Variants in SH3BGRL2 observed in about 807,000 individuals in gnomAD.
SH3BGRL2 encodes SH3 domain-binding glutamic acid-rich-like protein 2.
A neutral mutation model predicts 14.8 loss-of-function variants in SH3BGRL2; 21 were observed. The ratio of observed to expected loss-of-function variants is 1.42; its 90% CI spans 1.01 to 2.05. The LOEUF (loss-of-function observed/expected upper bound fraction) is 2.05. Ranked by LOEUF, SH3BGRL2 falls within the 30% of genes most tolerant of loss-of-function variation. The probability of loss-of-function intolerance (pLI) is 0.00; values close to 1 mark genes in which losing one functional copy is unlikely to be tolerated. For synonymous variants in SH3BGRL2, 50 were observed against 47.8 expected (o/e 1.05, Z -0.19); for missense variants, 147 against 130.8 (o/e 1.12, Z -0.61).
chr6:79,660,947 C>G (rs1314307823), intron 1 of SH3BGRL2, among the ~76,000 whole-genome samples: 1 of 152,196 alleles, frequency 6.6e-6, no homozygotes, highest in Non-Finnish European at 1.5e-5. Flanking sequence ...ATAGTATTCT[C>G]TGATGGTAGT....
At chr6:79,608,779 A>T in the SH3BGRL2 span, among the ~76,000 whole-genome samples, 1 of 152,206 alleles carries the variant, frequency 6.6e-6, no homozygotes. Flanking sequence ...CTGAAACTAC[A>T]CATGTCCCAC....
the SH3BGRL2 span, among the ~76,000 whole-genome samples, chr6:79,615,591 A>T: frequency 6.6e-6 from 1 of 152,120 alleles, no homozygotes; most frequent in Non-Finnish European, 1.5e-5. Flanking sequence ...TGCTATAATG[A>T]TTAATTTCAT....
chr6:79,569,038 C>T, the SH3BGRL2 span, among the ~76,000 whole-genome samples: 1 of 152,076 alleles, frequency 6.6e-6, no homozygotes. Flanking sequence ...CAAGGTGGTC[C>T]AGCTACAGCT....
intron 1 of SH3BGRL2, among the ~76,000 whole-genome samples, chr6:79,649,865 G>A (rs1302921750): frequency 1.3e-5 from 2 of 152,010 alleles, no homozygotes; most frequent in Non-Finnish European, 2.9e-5. Flanking sequence ...CTAGTTCCTC[G>A]GGAAGTGTCT....
At chr6:79,642,089 A>G (rs892008989) in intron 1 of SH3BGRL2, among the ~76,000 whole-genome samples, 3 of 152,170 alleles carry the variant, frequency 2.0e-5, no homozygotes, top group Admixed American at 1.3e-4. Context: ...TCTTTGCTAT[A>G]CATAATACAG....
chr6:79,596,026 AAC>A, the SH3BGRL2 span, among the ~76,000 whole-genome samples: 1 of 152,254 alleles, frequency 6.6e-6, no homozygotes, highest in Non-Finnish European at 1.5e-5. Context: ...TATAGATAGT[AAC>A]AATAAACAAA....
At chr6:79,656,713 G>C (rs1025485665) in intron 1 of SH3BGRL2, among the ~76,000 whole-genome samples, 2 of 152,178 alleles carry the variant, frequency 1.3e-5, no homozygotes, top group Non-Finnish European at 2.9e-5. Flanking sequence ...ACCTAGAGGT[G>C]ATTTAGAGTA....
intron 1 of SH3BGRL2, among the ~76,000 whole-genome samples, chr6:79,660,730 G>A (rs1319897074): frequency 6.6e-6 from 1 of 152,138 alleles, no homozygotes; most frequent in Non-Finnish European, 1.5e-5. Flanking sequence ...GCTCCTCTTT[G>A]TACCTCTGGT....
the SH3BGRL2 span, among the ~76,000 whole-genome samples, chr6:79,607,689 A>C: frequency 2.0e-5 from 3 of 152,188 alleles, no homozygotes; most frequent in Admixed American, 6.5e-5. Context: ...TCACGCCTGT[A>C]ATCCCAGAAC....
the SH3BGRL2 span, among the ~76,000 whole-genome samples, chr6:79,597,009 C>T: frequency 1.3e-5 from 2 of 152,134 alleles, no homozygotes; most frequent in Admixed American, 6.6e-5. Context: ...GCGGGTGGAT[C>T]CAGTGAGGTC....
chr6:79,591,589 G>A, the SH3BGRL2 span, among the ~76,000 whole-genome samples: 6 of 151,970 alleles, frequency 3.9e-5, no homozygotes, highest in African/African-American at 4.8e-5. Flanking sequence ...TTGTATTTTC[G>A]TAGAGACGGG....
chr6:79,590,448 T>TATAA, the SH3BGRL2 span, among the ~76,000 whole-genome samples: 1 of 135,174 alleles, frequency 7.4e-6, no homozygotes, highest in Non-Finnish European at 1.6e-5. Context: ...TATATATATA[T>TATAA]ATATATATAT....
At chr6:79,549,518 A>G in the SH3BGRL2 span, among the ~76,000 whole-genome samples, 1 of 152,236 alleles carries the variant, frequency 6.6e-6, no homozygotes, top group Admixed American at 6.5e-5. Flanking sequence ...ATGTTTAGAT[A>G]CACAAATGCT....
intron 2 of SH3BGRL2, among the ~76,000 whole-genome samples, chr6:79,690,952 T>C (rs1770201716): frequency 6.6e-6 from 1 of 152,174 alleles, no homozygotes; most frequent in Non-Finnish European, 1.5e-5. Flanking sequence ...TACAATAATT[T>C]CTCTCATGAA....
rs542703606 is a variant in SH3BGRL2 at position 79,657,160 on chromosome 6, C to CT, written c.46-16443dup. ...AGAGTAGGACCAGGAGACTATGGAA[C>CT]TTTTTTTTTTTAAATCAAGAGCCAA... On this transcript the variant is annotated intron_variant, in intron 1 of 3. Coordinates refer to ENST00000369838, the MANE Select transcript of SH3BGRL2 (RefSeq NM_031469.4). 3.4e-3 allele frequency among the ~76,000 whole-genome samples: 502 copies of CT among 147,454 alleles called. 1 individual carries two copies. The highest frequency in any genetic ancestry group is 5.9e-3 in the Non-Finnish European group (390 of 66,512).
At chr6:79,675,380 T>C (rs1370355470) in intron 2 of SH3BGRL2, among the ~76,000 whole-genome samples, 1 of 152,202 alleles carries the variant, frequency 6.6e-6, no homozygotes, top group Non-Finnish European at 1.5e-5. Flanking sequence ...GTTTACTCTA[T>C]GAAAAATTTT....
intron 1 of SH3BGRL2, among the ~76,000 whole-genome samples, chr6:79,635,210 T>G (rs1183206471): frequency 6.6e-6 from 1 of 152,170 alleles, no homozygotes; most frequent in African/African-American, 2.4e-5. Flanking sequence ...AAATAAAATC[T>G]TTTACTCCTC....
the SH3BGRL2 span, among the ~76,000 whole-genome samples, chr6:79,607,464 C>G: frequency 1.3e-5 from 2 of 152,138 alleles, no homozygotes; most frequent in Admixed American, 6.5e-5. Flanking sequence ...TTCTTTTAAC[C>G]TACAGTCCTA....
chr6:79,673,862 G>A (rs1052339774), intron 2 of SH3BGRL2, 63 bp downstream of exon 2: 1 of 1,525,610 alleles, frequency 6.6e-7, no homozygotes, highest in African/African-American at 1.4e-5. Flanking sequence ...GCCACCTAGA[G>A]TGCAGGTGGG....
Sources: allele counts gnomAD v4.1 joint callset (sites outside exome capture counted in the v4.1 genomes callset), GRCh38; gene constraint gnomAD v4.1.1; transcripts MANE v1.5; gene names NCBI Gene and HGNC (gene_info 2026-07-23, HGNC 2026-07-21).